Variants in ZNHIT6 observed in about 807,000 individuals in gnomAD.
The protein encoded by ZNHIT6 is box C/D snoRNA protein 1.
ZNHIT6 carries 45 observed loss-of-function variants against 57.2 expected under a neutral mutation model. The observed-to-expected ratio is 0.79, with a 90% CI of 0.62 to 1.01. The LOEUF (loss-of-function observed/expected upper bound fraction) is 1.01, where lower values mean the gene tolerates loss of function less well. Among genes scored for constraint, ZNHIT6 ranks in the 50% least tolerant of loss-of-function variants. The probability of loss-of-function intolerance (pLI) is 0.00; values close to 1 mark genes in which losing one functional copy is unlikely to be tolerated. For missense variants in ZNHIT6, 528 were observed against 567.3 expected, an observed-to-expected ratio of 0.93 and a Z score of 0.70; for synonymous variants, 188 against 190.0, an observed-to-expected ratio of 0.99 and a Z score of 0.09.
At chr1:85,656,905 G>A (rs1400468131) in intron 9 of ZNHIT6, among the ~76,000 whole-genome samples, 1 of 152,042 alleles carries the variant, frequency 6.6e-6, no homozygotes, top group African/African-American at 2.4e-5. Context: ...GCATCTTACA[G>A]CCTGTAATGC....
chr1:85,678,309 T>C (rs1165378753), intron 7 of ZNHIT6, among the ~76,000 whole-genome samples: 1 of 152,140 alleles, frequency 6.6e-6, no homozygotes, highest in Admixed American at 6.5e-5. Flanking sequence ...CAAAGGTAGT[T>C]TAGTTTAAGG....
intron 4 of ZNHIT6, among the ~76,000 whole-genome samples, chr1:85,705,130 G>A (rs1019564562): frequency 1.3e-5 from 2 of 152,194 alleles, no homozygotes; most frequent in Non-Finnish European, 2.9e-5. Context: ...CAAAGTGCAA[G>A]AGTGGTTTTT....
chr1:85,708,158 C>G lies in ZNHIT6; in HGVS notation c.127G>C (p.Gly43Arg), dbSNP rs1186000391. Residue 43 changes from glycine to arginine, a missense_variant, in exon 1 of 10, where the codon GGC becomes CGC. Coordinates refer to ENST00000370574, the MANE Select transcript of ZNHIT6 (RefSeq NM_017953.4). ...AGCCCTGTCCCCTCCTCTCCGCCGC[C>G]GAACTCCTCCGCCCCTGCTAAGTCC... is the stretch of plus-strand genomic sequence containing the variant. ...VRDLAGAEEF[G>R]GGEEGTGLTG... 23 of 1,614,046 alleles carry G rather than the reference C, an allele frequency of 1.4e-5. No homozygotes were observed. Among genetic ancestry groups the G allele is most frequent in the Non-Finnish European group, 1.9e-5 (23 of 1,180,052 alleles).
intron 8 of ZNHIT6, among the ~76,000 whole-genome samples, chr1:85,673,275 A>T (rs916919033): frequency 2.0e-5 from 3 of 152,226 alleles, no homozygotes; most frequent in African/African-American, 7.2e-5. Flanking sequence ...GAATTTATTT[A>T]AAAAGCTATA....
rs1189544178 is a variant in ZNHIT6, at chr1:85,678,508, T to C, written c.1169+193A>G. On this transcript the variant is annotated intron_variant, in intron 7 of 9. Coordinates refer to ENST00000370574, the MANE Select transcript of ZNHIT6 (RefSeq NM_017953.4). ...AATTAACACATTTATTACTGTCTGC[T>C]TTGAAGAGTGTCTGGAACATAGGAA... 2.0e-5 allele frequency among the ~76,000 whole-genome samples: 3 copies of C among 152,230 alleles called. No homozygotes were observed. The East Asian group carries it at 5.8e-4, about 29-fold the overall frequency.
In ZNHIT6 at chr1:85,699,703, G is replaced by A. The variant is rs139993830; in HGVS notation, c.1019+2454C>T. Among the ~76,000 whole-genome samples, 114 of 152,108 alleles carry A rather than the reference G, an allele frequency of 7.5e-4. 1 individual carries two copies. The East Asian group carries it at 0.015, about 19-fold the overall frequency. On this transcript the variant is annotated intron_variant, in intron 5 of 9. Coordinates refer to ENST00000370574, the MANE Select transcript of ZNHIT6 (RefSeq NM_017953.4). ...TTGTACTCTCTAATCCAGTAATTCCGCTTTCTAGGAATTGATCCTACAAAA... is the reference window on the plus strand; with the variant it reads ...TTGTACTCTCTAATCCAGTAATTCCACTTTCTAGGAATTGATCCTACAAAA...
chr1:85,706,049 A>T (rs780339034), intron 4 of ZNHIT6, 29 bp downstream of exon 4: 2 of 1,553,124 alleles, frequency 1.3e-6, no homozygotes, highest in Admixed American at 3.8e-5. Context: ...AAGGACTTCT[A>T]ACTGGAAGAA....
chr1:85,669,991 G>GT (rs1661506054), intron 8 of ZNHIT6, among the ~76,000 whole-genome samples: 1 of 152,102 alleles, frequency 6.6e-6, no homozygotes, highest in Admixed American at 6.6e-5. Flanking sequence ...TCAGGTTCAT[G>GT]TATCAAAAAG....
rs149811199 is a variant in ZNHIT6 at position 85,702,475 on chromosome 1, T to C, written c.916-215A>G. 6.2e-4 allele frequency among the ~76,000 whole-genome samples: 94 copies of C among 152,294 alleles called. 3 individuals are homozygous for C. In the East Asian group the frequency reaches 0.012, roughly 19 times the overall value. On this transcript the variant is annotated intron_variant, in intron 4 of 9. Coordinates refer to ENST00000370574, the MANE Select transcript of ZNHIT6 (RefSeq NM_017953.4). ...AAAAATTAGTGAGATCCCAACATCA[T>C]ACAGCTATCCCAGAGAGATAGAACC...
In ZNHIT6 at chr1:85,708,347, A is replaced by T. The variant is rs954585315; in HGVS notation, c.-63T>A. 61 of 1,520,874 alleles carry T rather than the reference A, an allele frequency of 4.0e-5. No individual in the cohort carries two copies. Among genetic ancestry groups the T allele is most frequent in the Non-Finnish European group, 4.8e-5 (54 of 1,136,186 alleles). 94.2% of individuals were successfully genotyped at this position (1,520,874 alleles called of 1,614,324 possible). ...TTCAATGTGGCTGCTGCACACCAAT[A>T]GGAGGAATTACCGGTCGGAATACCT... On this transcript the variant is annotated 5_prime_UTR_variant, in exon 1 of 10. Coordinates refer to ENST00000370574, the MANE Select transcript of ZNHIT6 (RefSeq NM_017953.4).
chr1:85,705,744 T>C (rs1395868894), intron 4 of ZNHIT6, among the ~76,000 whole-genome samples: 1 of 152,166 alleles, frequency 6.6e-6, no homozygotes, highest in Non-Finnish European at 1.5e-5. Context: ...GAGAAGCTTC[T>C]CCTGACCACT....
intron 8 of ZNHIT6, among the ~76,000 whole-genome samples, chr1:85,673,441 A>C (rs952291592): frequency 6.6e-6 from 1 of 152,196 alleles, no homozygotes; most frequent in African/African-American, 2.4e-5. Context: ...GAAAAAACTT[A>C]AGCATGCTCT....
At chr1:85,700,908 G>C (rs1662513699) in intron 5 of ZNHIT6, among the ~76,000 whole-genome samples, 3 of 152,108 alleles carry the variant, frequency 2.0e-5, no homozygotes, top group African/African-American at 7.2e-5. Context: ...CTGTGCTCAA[G>C]GGATGCTCCC....
At chr1:85,696,530 A>C (rs532144940) in intron 5 of ZNHIT6, among the ~76,000 whole-genome samples, 5 of 152,246 alleles carry the variant, frequency 3.3e-5, no homozygotes, top group African/African-American at 7.2e-5. Flanking sequence ...TTTTTACACT[A>C]CTAAAAACAA....
chr1:85,704,592 T>A (rs1039879437), intron 4 of ZNHIT6, among the ~76,000 whole-genome samples: 1 of 152,148 alleles, frequency 6.6e-6, no homozygotes, highest in African/African-American at 2.4e-5. Context: ...TTAGAAAATA[T>A]ACTTGCTATA....
intron 4 of ZNHIT6, among the ~76,000 whole-genome samples, chr1:85,702,997 C>T (rs1403168336): frequency 6.6e-6 from 1 of 152,126 alleles, no homozygotes; most frequent in Non-Finnish European, 1.5e-5. Flanking sequence ...GCAATGTAAA[C>T]AGTCAGAATC....
At chr1:85,705,809 C>G (rs1202383241) in intron 4 of ZNHIT6, among the ~76,000 whole-genome samples, 1 of 152,110 alleles carries the variant, frequency 6.6e-6, no homozygotes, top group Non-Finnish European at 1.5e-5. Flanking sequence ...TTTTCATTCT[C>G]TCTTTAATCT....
At chr1:85,676,121 G>A (rs1661694025) in intron 8 of ZNHIT6, among the ~76,000 whole-genome samples, 1 of 152,096 alleles carries the variant, frequency 6.6e-6, no homozygotes. Context: ...CAGATCACCT[G>A]AGGTCGGGAG....
chr1:85,684,980 T>C (rs968105965), intron 5 of ZNHIT6, among the ~76,000 whole-genome samples: 1 of 152,144 alleles, frequency 6.6e-6, no homozygotes, highest in African/African-American at 2.4e-5. Context: ...GAAATGTATA[T>C]ATAAATAAAA....
Sources: allele counts gnomAD v4.1 joint callset (sites outside exome capture counted in the v4.1 genomes callset), GRCh38; gene constraint gnomAD v4.1.1; transcripts MANE v1.5; gene names NCBI Gene and HGNC (gene_info 2026-07-23, HGNC 2026-07-21).